FLNB: variants seen among roughly 807,000 people sequenced by gnomAD.
FLNB encodes the protein filamin B.
Under a neutral mutation model 250.6 loss-of-function variants are expected in FLNB, and 111 were observed. That is an observed-to-expected ratio of 0.44 (90% confidence interval 0.38 to 0.52). The LOEUF is 0.52. Ranked by LOEUF, FLNB falls within the 20% of genes least tolerant of loss-of-function variation. The pLI, the probability that FLNB is intolerant of heterozygous loss-of-function variation, is 0.00. For synonymous variants in FLNB, 1,302 were observed against 1,372.1 expected, an observed-to-expected ratio of 0.95 and a Z score of 1.13; for missense variants, 2,869 against 3,447.8, an observed-to-expected ratio of 0.83 and a Z score of 4.20.
Position 58,138,447 on chromosome 3 carries a change from A to G in FLNB, c.5027A>G (p.Tyr1676Cys). 2 of 1,614,204 alleles carry G rather than the reference A, an allele frequency of 1.2e-6. No homozygotes were observed. Among genetic ancestry groups the G allele is most frequent in the Non-Finnish European group, 1.7e-6 (2 of 1,180,028 alleles). Residue 1676 changes from tyrosine to cysteine, a missense_variant, in exon 29 of 46, where the codon TAC becomes TGC. Coordinates refer to ENST00000295956, the MANE Select transcript of FLNB (RefSeq NM_001457.4). ...ENEDGTYDIF[Y>C]TAAKPGTYVI... is the part of the protein sequence containing the mutation. ...GAAGATGGAACCTATGACATCTTCT[A>G]CACAGCTGCCAAGCCGGGCACATAT...
In FLNB at chr3:58,130,746, C is replaced by T. The variant is rs757620727; in HGVS notation, c.4228C>T (p.Pro1410Ser). 6.2e-7 allele frequency: 1 copy of T among 1,613,126 alleles called. No individual in the cohort carries two copies. The highest frequency in any genetic ancestry group is 1.1e-5 in the South Asian group (1 of 90,802). Reference protein sequence around the residue: ...TYGGAHIPGSPFRVPVKDVVD... With the variant: ...TYGGAHIPGSSFRVPVKDVVD... ...TCCCACAACCTCTCTTCCAGGCAGC[C>T]CCTTCAGGGTTCCTGTGAAGGATGT... The change falls in exon 25 of 46, where the codon CCC (proline) becomes TCC (serine). Residue 1410 changes from proline (P) to serine (S), a missense_variant. Pro to Ser is a moderately conservative substitution (Grantham distance 74). This residue lies in a region of FLNB where 1,348 missense variants were observed against 1,466.7 expected (regional missense o/e 0.92). Coordinates refer to ENST00000295956, the MANE Select transcript of FLNB (RefSeq NM_001457.4).
At chr3:58,099,221 T>C (rs987027227) in intron 8 of FLNB, among the ~76,000 whole-genome samples, 2 of 152,182 alleles carry the variant, frequency 1.3e-5, no homozygotes, top group Non-Finnish European at 2.9e-5. Context: ...CTCGGTAGCA[T>C]AACTGAAGTT....
At chr3:58,052,244 G>A (rs2097163592) in intron 1 of FLNB, among the ~76,000 whole-genome samples, 1 of 152,156 alleles carries the variant, frequency 6.6e-6, no homozygotes, top group Non-Finnish European at 1.5e-5. Context: ...TTGTAGTGGG[G>A]CATTTTATAA....
chr3:58,170,168 G>A (rs963393874), intron 45 of FLNB, among the ~76,000 whole-genome samples: 1 of 152,106 alleles, frequency 6.6e-6, no homozygotes, highest in Non-Finnish European at 1.5e-5. Flanking sequence ...TCCTCTTCTC[G>A]GAAGTACCTT....
At chr3:58,075,489 G>T (rs1277224896) in intron 1 of FLNB, among the ~76,000 whole-genome samples, 1 of 152,190 alleles carries the variant, frequency 6.6e-6, no homozygotes, top group Admixed American at 6.5e-5. Context: ...TGAGCCTGCA[G>T]TATGGTGGGT....
intron 1 of FLNB, among the ~76,000 whole-genome samples, chr3:58,063,102 A>C (rs1479133434): frequency 2.6e-5 from 4 of 152,308 alleles, no homozygotes; most frequent in African/African-American, 9.6e-5. Flanking sequence ...TCATGGTCAC[A>C]CAGCTTGCCA....
intron 32 of FLNB, among the ~76,000 whole-genome samples, chr3:58,145,318 T>C (rs1285398677): frequency 1.3e-5 from 2 of 152,248 alleles, no homozygotes; most frequent in Non-Finnish European, 2.9e-5. Flanking sequence ...TAATGCATCA[T>C]ATTATGGATA....
At chr3:58,121,609 G>A in intron 20 of FLNB, 106 bp downstream of exon 20, 1 of 1,463,370 alleles carries the variant, frequency 6.8e-7, no homozygotes, top group Non-Finnish European at 9.5e-7. Flanking sequence ...ATCGTTTTGT[G>A]ATGAAAGTTA....
In FLNB at chr3:58,042,364, T is replaced by TA. The variant is rs1234534735; in HGVS notation, c.292+33511dup. The stretch of plus-strand genomic sequence containing the variant: ...CTGTAGGTTTTTTTTTTTTTTTTTT[T>TA]AAAGTCCGGGTCTTACTCTGTCACC... On this transcript the variant is annotated intron_variant, in intron 1 of 45. Coordinates refer to ENST00000295956, the MANE Select transcript of FLNB (RefSeq NM_001457.4). 5.4e-3 allele frequency among the ~76,000 whole-genome samples: 811 copies of TA among 150,170 alleles called. 5 individuals carry two copies. The highest frequency in any genetic ancestry group is 0.019 in the African/African-American group (769 of 40,832).
At chr3:58,103,818 C>G in intron 9 of FLNB, 141 bp from the exon 10 acceptor site, 2 of 916,954 alleles carry the variant, frequency 2.2e-6, no homozygotes, top group South Asian at 1.3e-5. Context: ...GGGGAGAGGT[C>G]CCATACTCTG....
chr3:58,151,062 C>T (rs993824095), intron 38 of FLNB: 4 of 152,446 alleles, frequency 2.6e-5, no homozygotes, highest in African/African-American at 9.7e-5. Flanking sequence ...GTGGTAAAGC[C>T]TCATTACTGT....
chr3:58,037,478 T>C (rs765303358), intron 1 of FLNB, among the ~76,000 whole-genome samples: 75 of 152,210 alleles, frequency 4.9e-4, no homozygotes, highest in Non-Finnish European at 8.8e-4. Flanking sequence ...GGGAGGTTCC[T>C]TCACCCTTGC....
chr3:58,121,245 G>A lies in FLNB; in HGVS notation c.2868G>A (p.Val956=), dbSNP rs143284350. 10 of 1,614,054 alleles carry A rather than the reference G, an allele frequency of 6.2e-6. No individual in the cohort carries two copies. Among genetic ancestry groups the A allele is most frequent in the African/African-American group, 1.3e-5 (1 of 74,912 alleles). The change falls in exon 20 of 46, where the codon GTG becomes GTA. Residue 956 remains valine, a synonymous_variant. Transcript: ENST00000295956. ...KIKLNGLENR[V]EVGKDQEFTV... ...CAGCTTGTGTTTCTTTTCCAGGGGT[G>A]GAAGTTGGGAAGGATCAGGAGTTCA...
chr3:58,094,697 A>T, intron 4 of FLNB, 139 bp from the exon 5 acceptor site: 1 of 778,248 alleles, frequency 1.3e-6, no homozygotes, highest in Non-Finnish European at 2.3e-6. Context: ...TTCCTTGTCA[A>T]GGCAGTTTGT....
chr3:58,162,641 TTAAAAAC>T (rs1340921313), intron 42 of FLNB: 1 of 164,392 alleles, frequency 6.1e-6, no homozygotes, highest in Non-Finnish European at 1.3e-5. Context: ...CTCCCAATGT[TTAAAAAC>T]AAACTGAACT....
chr3:58,119,881 G>C (rs1310277953), intron 19 of FLNB, among the ~76,000 whole-genome samples: 3 of 152,202 alleles, frequency 2.0e-5, no homozygotes, highest in African/African-American at 7.2e-5. Flanking sequence ...AAGTTGCCCT[G>C]CTGTATAAAC....
intron 18 of FLNB, among the ~76,000 whole-genome samples, chr3:58,116,004 C>T (rs1406415477): frequency 6.6e-6 from 1 of 152,122 alleles, no homozygotes; most frequent in Non-Finnish European, 1.5e-5. Context: ...CCCCCACCCC[C>T]AGCACAGAGC....
chr3:58,141,783 A>G, intron 29 of FLNB, 75 bp from the exon 30 acceptor site: 1 of 1,330,574 alleles, frequency 7.5e-7, no homozygotes, highest in Non-Finnish European at 1.1e-6. Context: ...TGGGGGAAGC[A>G]GCTCTGTGGT....
chr3:58,049,676 C>T (rs2097159283), intron 1 of FLNB, among the ~76,000 whole-genome samples: 1 of 152,120 alleles, frequency 6.6e-6, no homozygotes, highest in Admixed American at 6.5e-5. Flanking sequence ...TGATGAACTA[C>T]CAGAAACTTC....
Sources: allele counts gnomAD v4.1 joint callset (sites outside exome capture counted in the v4.1 genomes callset), GRCh38; gene constraint gnomAD v4.1.1; regional missense constraint gnomAD v4.1.1; transcripts MANE v1.5; gene names NCBI Gene and HGNC (gene_info 2026-07-23, HGNC 2026-07-21).